Variants in ACYP2 observed in about 807,000 individuals in gnomAD.
ACYP2 encodes acylphosphatase 2, also known as acylphosphatase-2.
A neutral mutation model predicts 11.2 loss-of-function variants in ACYP2; 12 were observed. That is an observed-to-expected ratio of 1.08 (90% CI 0.69 to 1.74). The LOEUF (loss-of-function observed/expected upper bound fraction) is 1.74. Ranked by LOEUF, ACYP2 falls within the 40% of genes most tolerant of loss-of-function variation. The pLI is 0.00. For missense variants in ACYP2, 134 were observed against 101.9 expected, an observed-to-expected ratio of 1.31 and a Z score of -1.35; for synonymous variants, 43 against 32.2, an observed-to-expected ratio of 1.33 and a Z score of -1.13.
At chr2:54,106,533 G>C (rs574984362) in intron 4 of ACYP2, among the ~76,000 whole-genome samples, 1 of 151,840 alleles carries the variant, frequency 6.6e-6, no homozygotes, top group Non-Finnish European at 1.5e-5. Flanking sequence ...TATAGTAGAT[G>C]CATATGCTGT....
intron 6 of ACYP2, among the ~76,000 whole-genome samples, chr2:54,281,287 C>G (rs565114770): frequency 2.2e-4 from 33 of 152,252 alleles, no homozygotes; most frequent in African/African-American, 7.9e-4. Context: ...TATTCTGATG[C>G]CTTGGATGCC....
chr2:54,296,919 T>C (rs1489929307), intron 6 of ACYP2, among the ~76,000 whole-genome samples: 1 of 152,182 alleles, frequency 6.6e-6, no homozygotes. Flanking sequence ...GGAAGATATA[T>C]GCACACAAAA....
chr2:54,221,771 C>T (rs1388974781), intron 6 of ACYP2, among the ~76,000 whole-genome samples: 1 of 152,114 alleles, frequency 6.6e-6, no homozygotes, highest in African/African-American at 2.4e-5. Context: ...ATCCACTCGC[C>T]TCAGCCTCCC....
At chr2:54,202,811 A>G (rs1474900055) in intron 6 of ACYP2, among the ~76,000 whole-genome samples, 1 of 138,470 alleles carries the variant, frequency 7.2e-6, no homozygotes, top group Non-Finnish European at 1.5e-5. Flanking sequence ...GATCCTTCCA[A>G]GGAGCTAGGA....
intron 2 of ACYP2, among the ~76,000 whole-genome samples, chr2:54,009,706 C>T (rs1390446886): frequency 6.6e-6 from 1 of 152,048 alleles, no homozygotes; most frequent in Non-Finnish European, 1.5e-5. Flanking sequence ...ATGGAAGGGT[C>T]TTGTTTCAAC....
chr2:54,102,367 T>C (rs1011699863), intron 4 of ACYP2, among the ~76,000 whole-genome samples: 16 of 152,100 alleles, frequency 1.1e-4, no homozygotes, highest in Admixed American at 2.6e-4. Flanking sequence ...ATAATGAGAT[T>C]TATTGCCTCA....
At chr2:54,255,484 A>G (rs1350109606) in intron 6 of ACYP2, 2 of 1,613,826 alleles carry the variant, frequency 1.2e-6, no homozygotes, top group African/African-American at 2.7e-5. Context: ...CACCTGCAGG[A>G]GCGCCCTGTC....
At position 54,201,488 on chromosome 2, in the gene ACYP2, A is replaced by C. The variant is rs548046310; in HGVS notation, c.404+62740A>C. Reference sequence around the variant, plus strand: ...AACCTTATCAGATATAGAATTTGCAAATATTTTCTCCCATTCTGTAGGCTG... The same window carrying C: ...AACCTTATCAGATATAGAATTTGCACATATTTTCTCCCATTCTGTAGGCTG... On this transcript the variant is annotated intron_variant, in intron 6 of 6. Coordinates refer to ENST00000607452, the MANE Select transcript of ACYP2 (RefSeq NM_001320586.2). Among the ~76,000 whole-genome samples, 9 of 152,030 alleles carry C rather than the reference A, an allele frequency of 5.9e-5. 1 individual carries two copies. The East Asian group carries it at 1.7e-3, about 29-fold the overall frequency.
At chr2:54,091,320 T>C (rs1678210087) in intron 4 of ACYP2, among the ~76,000 whole-genome samples, 1 of 152,082 alleles carries the variant, frequency 6.6e-6, no homozygotes, top group Non-Finnish European at 1.5e-5. Context: ...AGGAAATCAA[T>C]ATATACTTTC....
At chr2:54,266,590 C>CTTTTTTTTATTTTTTTTTT (rs1688034169) in intron 6 of ACYP2, among the ~76,000 whole-genome samples, 1 of 52,242 alleles carries the variant, frequency 1.9e-5, no homozygotes, top group Non-Finnish European at 3.3e-5. Context: ...ATCTATCTAT[C>CTTTTTTTTATTTTTTTTTT]TTTTTTTTTT....
chr2:54,151,912 T>C (rs147273965), intron 6 of ACYP2, among the ~76,000 whole-genome samples: 403 of 152,196 alleles, frequency 2.6e-3, no homozygotes, highest in African/African-American at 9.3e-3. Context: ...TAGACTTTCT[T>C]TTTTAGAGCA....
At chr2:54,301,750 T>A (rs916534469) in intron 6 of ACYP2, among the ~76,000 whole-genome samples, 7 of 152,186 alleles carry the variant, frequency 4.6e-5, no homozygotes, top group African/African-American at 1.7e-4. Flanking sequence ...TTGTGACTAT[T>A]TTTTTGCTTG....
intron 4 of ACYP2, among the ~76,000 whole-genome samples, chr2:54,102,022 A>G (rs1338450236): frequency 6.6e-6 from 1 of 152,180 alleles, no homozygotes; most frequent in Non-Finnish European, 1.5e-5. Flanking sequence ...TGTATTCACC[A>G]TTATAGTATT....
chr2:53,990,652 C>CAAA (rs80058534), intron 2 of ACYP2, among the ~76,000 whole-genome samples: 1 of 49,562 alleles, frequency 2.0e-5, no homozygotes, highest in Non-Finnish European at 4.6e-5. Flanking sequence ...TCCGTCTTAC[C>CAAA]AAAAAAAAAA....
intron 4 of ACYP2, among the ~76,000 whole-genome samples, chr2:54,079,286 G>A (rs751953428): frequency 1.3e-5 from 2 of 152,168 alleles, no homozygotes; most frequent in Non-Finnish European, 2.9e-5. Flanking sequence ...CAGGAGACTT[G>A]GGGAGAGGGT....
intron 4 of ACYP2, among the ~76,000 whole-genome samples, chr2:54,108,152 A>G (rs1291466878): frequency 1.3e-5 from 2 of 152,382 alleles, no homozygotes; most frequent in Non-Finnish European, 1.5e-5. Context: ...TCACAGAACC[A>G]GCAGCAGATG....
At chr2:54,255,421 A>T (rs1687454014) in intron 6 of ACYP2, 5 of 1,613,900 alleles carry the variant, frequency 3.1e-6, no homozygotes, top group Non-Finnish European at 4.2e-6. Flanking sequence ...ATTGCGAATG[A>T]TGTCATTCCT....
At chr2:54,054,556 C>T (rs1224729254) in intron 3 of ACYP2, among the ~76,000 whole-genome samples, 1 of 152,174 alleles carries the variant, frequency 6.6e-6, no homozygotes, top group Non-Finnish European at 1.5e-5. Context: ...GGTTTGAAGT[C>T]TTCTTAACAT....
intron 2 of ACYP2, among the ~76,000 whole-genome samples, chr2:53,998,104 G>A (rs1280976348): frequency 6.6e-6 from 1 of 152,164 alleles, no homozygotes; most frequent in Non-Finnish European, 1.5e-5. Context: ...ATCATAAAAG[G>A]ATTTAAAACA....
Sources: gnomAD v4.1 joint callset for allele counts (sites outside exome capture counted in the v4.1 genomes callset) on GRCh38, gnomAD v4.1.1 for gene constraint, MANE v1.5 for transcripts, NCBI Gene and HGNC (gene_info 2026-07-23, HGNC 2026-07-21) for gene names.